Variants in TEAD1 observed in about 807,000 individuals in gnomAD.
TEAD1 encodes the protein TEA domain transcription factor 1.
A neutral mutation model predicts 54.9 loss-of-function variants in TEAD1; 9 were observed. That is an observed-to-expected ratio of 0.16 (90% CI 0.10 to 0.29). The LOEUF (loss-of-function observed/expected upper bound fraction) is 0.29, where lower values mean the gene tolerates loss of function less well. Ranked by LOEUF, TEAD1 falls within the 10% of genes least tolerant of loss-of-function variation. TEAD1 has a pLI of 1.00. For missense variants in TEAD1, 387 were observed against 535.9 expected (o/e 0.72, Z 2.74); for synonymous variants, 200 against 187.8 (o/e 1.07, Z -0.53).
chr11:12,734,979 A>G (rs1379159660), intron 2 of TEAD1, among the ~76,000 whole-genome samples: 1 of 152,232 alleles, frequency 6.6e-6, no homozygotes, highest in Admixed American at 6.5e-5. Flanking sequence ...AGATGATATT[A>G]AATGTAGTTT....
intron 2 of TEAD1, among the ~76,000 whole-genome samples, chr11:12,679,948 CTGCTGAG>C (rs1766543593): frequency 6.6e-6 from 1 of 152,192 alleles, no homozygotes; most frequent in Non-Finnish European, 1.5e-5. Context: ...ATGCTACACA[CTGCTGAG>C]TTCTCTTTGA....
In TEAD1 at chr11:12,840,246, C is replaced by CAAAAAAAAAAAAAAAAAAAAAA. The variant is rs1176865272; in HGVS notation, c.203-21988_203-21987insAAAAAAAAAAAAAAAAAAAAAA. Among the ~76,000 whole-genome samples the CAAAAAAAAAAAAAAAAAAAAAA allele has an allele frequency of 7.9e-4, 25 of 31,552 alleles. 3 individuals are homozygous for CAAAAAAAAAAAAAAAAAAAAAA. Among genetic ancestry groups the CAAAAAAAAAAAAAAAAAAAAAA allele is most frequent in the African/African-American group, 9.5e-4 (6 of 6,294 alleles). The allele number at this position is 31,552 out of a possible 152,430, so 20.7% of individuals were successfully genotyped here. On this transcript the variant is annotated intron_variant, in intron 3 of 12. Transcript: ENST00000527636. ...TGGGCGACAGAGCGAGACTCTGCCTCAAAAAAAAAAAAAAAAGAAAAAAAA... is the reference window on the plus strand; with the variant it reads ...TGGGCGACAGAGCGAGACTCTGCCTCAAAAAAAAAAAAAAAAAAAAAAAAAAAAAAAAAAAAAAGAAAAAAAA...
intron 9 of TEAD1, among the ~76,000 whole-genome samples, chr11:12,899,209 T>C (rs747949030): frequency 1.3e-5 from 2 of 152,152 alleles, no homozygotes; most frequent in Non-Finnish European, 1.5e-5. Flanking sequence ...ACAGAAGCGG[T>C]GCCTTCTGGA....
At chr11:12,922,192 CTTTTTTTTTTT>C (rs756723520) in intron 10 of TEAD1, among the ~76,000 whole-genome samples, 2 of 94,502 alleles carry the variant, frequency 2.1e-5, no homozygotes, top group Non-Finnish European at 4.2e-5. Context: ...ACATGGTTCT[CTTTTTTTTTTT>C]TTTTTTTTTT....
intron 3 of TEAD1, among the ~76,000 whole-genome samples, chr11:12,814,623 A>G (rs184658165): frequency 2.6e-5 from 4 of 152,318 alleles, no homozygotes; most frequent in Admixed American, 2.6e-4. Flanking sequence ...AGAGCGTGAC[A>G]GCACTTGAGA....
chr11:12,908,542 C>T (rs1948558353), intron 10 of TEAD1, among the ~76,000 whole-genome samples: 1 of 152,148 alleles, frequency 6.6e-6, no homozygotes, highest in Non-Finnish European at 1.5e-5. Context: ...GTGGCCGCAC[C>T]TGACTGACCA....
chr11:12,867,186 C>T (rs886973705), intron 5 of TEAD1, among the ~76,000 whole-genome samples: 16 of 152,066 alleles, frequency 1.1e-4, no homozygotes, highest in East Asian at 7.7e-4. Context: ...GCACCCTAAA[C>T]GAATCATTGT....
chr11:12,910,871 C>G (rs371022348), intron 10 of TEAD1, among the ~76,000 whole-genome samples: 4 of 151,600 alleles, frequency 2.6e-5, no homozygotes, highest in Non-Finnish European at 5.9e-5. Context: ...CTCAGCCTCC[C>G]GAGTAGCTGG....
intron 2 of TEAD1, among the ~76,000 whole-genome samples, chr11:12,752,668 C>T (rs1387002741): frequency 6.6e-6 from 1 of 152,046 alleles, no homozygotes; most frequent in African/African-American, 2.4e-5. Context: ...TTTGTCTGTG[C>T]TGTATGACAC....
In TEAD1 at chr11:12,941,413, A is replaced by G. The variant is rs1022054483; in HGVS notation, c.*4191A>G. 1 of 152,182 alleles carries G rather than the reference A, an allele frequency of 6.6e-6. No individual in the cohort carries two copies. Among genetic ancestry groups the G allele is most frequent in the African/African-American group, 2.4e-5 (1 of 41,438 alleles). 9.4% of individuals were successfully genotyped at this position (152,182 alleles called of 1,614,324 possible). ...CCCCCATTCCAAGTACTTGGTGTCA[A>G]AAGTCCCCGAACGACTTTTAAACCC... On this transcript the variant is annotated 3_prime_UTR_variant, in exon 13 of 13. Coordinates refer to ENST00000527636, the MANE Select transcript of TEAD1 (RefSeq NM_021961.6).
intron 2 of TEAD1, among the ~76,000 whole-genome samples, chr11:12,725,005 A>T (rs1042268360): frequency 2.0e-5 from 3 of 152,004 alleles, no homozygotes; most frequent in Non-Finnish European, 4.4e-5. Context: ...TACACATGGG[A>T]TTCCTCTGGC....
rs1343856435 is a variant in TEAD1, at chr11:12,939,852, A to G, written c.*2630A>G. ...GGCTTCTCTTTGTCTCTCCCAGATT[A>G]GACCTTTGGGTGAGATTGGCATCAC... On this transcript the variant is annotated 3_prime_UTR_variant, in exon 13 of 13. Transcript: ENST00000527636. 2 of 152,224 alleles carry G rather than the reference A, an allele frequency of 1.3e-5. No individual in the cohort carries two copies. The allele number at this position is 152,224 out of a possible 1,614,324, so 9.4% of individuals were successfully genotyped here. A position where few individuals can be genotyped will look rare whatever the true frequency, so the allele number is the denominator to read the frequency against.
intron 3 of TEAD1, among the ~76,000 whole-genome samples, chr11:12,839,521 C>G (rs1401888783): frequency 6.6e-6 from 1 of 152,200 alleles, no homozygotes; most frequent in Non-Finnish European, 1.5e-5. Context: ...ATTCAGTTAA[C>G]AGTTATTATG....
intron 2 of TEAD1, among the ~76,000 whole-genome samples, chr11:12,687,901 T>C (rs1159809389): frequency 6.6e-6 from 1 of 152,106 alleles, no homozygotes; most frequent in Admixed American, 6.5e-5. Flanking sequence ...GCCAGGCTAA[T>C]CCAAACTATT....
At chr11:12,881,841 A>T in intron 7 of TEAD1, 55 bp from the exon 8 acceptor site, 1 of 1,585,868 alleles carries the variant, frequency 6.3e-7, no homozygotes, top group Non-Finnish European at 8.7e-7. Context: ...CCTGGGTAAT[A>T]GCCCCTGCTG....
chr11:12,884,708 A>G (rs1445047371), intron 9 of TEAD1, among the ~76,000 whole-genome samples: 1 of 152,206 alleles, frequency 6.6e-6, no homozygotes, highest in Non-Finnish European at 1.5e-5. Flanking sequence ...AATTGGGCCC[A>G]TCAGGACAGG....
chr11:12,776,675 G>C (rs994249317), intron 3 of TEAD1, among the ~76,000 whole-genome samples: 3 of 151,376 alleles, frequency 2.0e-5, no homozygotes, highest in African/African-American at 7.3e-5. Context: ...AGATAATTCT[G>C]TCTGCCTACC....
At chr11:12,796,649 C>G (rs1945932084) in intron 3 of TEAD1, among the ~76,000 whole-genome samples, 1 of 151,096 alleles carries the variant, frequency 6.6e-6, no homozygotes, top group Non-Finnish European at 1.5e-5. Flanking sequence ...CACCTGAGCC[C>G]AAGGAGGTTG....
At chr11:12,780,968 T>A (rs776680840) in intron 3 of TEAD1, among the ~76,000 whole-genome samples, 2 of 152,212 alleles carry the variant, frequency 1.3e-5, no homozygotes, top group Non-Finnish European at 2.9e-5. Flanking sequence ...AGCTACAGTC[T>A]GAATCAAGAC....
Sources: allele counts gnomAD v4.1 joint callset (sites outside exome capture counted in the v4.1 genomes callset), GRCh38; gene constraint gnomAD v4.1.1; transcripts MANE v1.5; gene names NCBI Gene and HGNC (gene_info 2026-07-23, HGNC 2026-07-21).